SH3BGRL2: variants seen among roughly 807,000 people sequenced by gnomAD.
SH3BGRL2 encodes the protein SH3 domain-binding glutamic acid-rich-like protein 2.
SH3BGRL2 carries 21 observed loss-of-function variants against 14.8 expected under a neutral mutation model. That is an observed-to-expected ratio of 1.42 (90% CI 1.01 to 2.05). SH3BGRL2 has a LOEUF of 2.05. Among genes scored for constraint, SH3BGRL2 ranks in the 30% most tolerant of loss-of-function variants. The probability of loss-of-function intolerance (pLI) is 0.00; values close to 1 mark genes in which losing one functional copy is unlikely to be tolerated. For missense variants in SH3BGRL2, 147 were observed against 130.8 expected (o/e 1.12, Z -0.61); for synonymous variants, 50 against 47.8 (o/e 1.05, Z -0.19).
rs1770503247 is a variant in SH3BGRL2, at chr6:79,703,273, TAGAGTGGAGGTAAATTA to T, written c.*3769_*3785del. The T allele has an allele frequency of 6.6e-6, 1 of 152,128 alleles. No homozygotes were observed. The highest frequency in any genetic ancestry group is 2.1e-4 in the South Asian group (1 of 4,824). The allele number at this position is 152,128 out of a possible 1,614,324, so 9.4% of individuals were successfully genotyped here. ...AGCAGTTTTAGCCAGGGTTCAATGA[TAGAGTGGAGGTAAATTA>T]AGAGCCTCCAGGCTGTGATTCACCA... is the stretch of plus-strand genomic sequence containing the variant. On this transcript the variant is annotated 3_prime_UTR_variant, in exon 4 of 4. Transcript: ENST00000369838.
the SH3BGRL2 span, among the ~76,000 whole-genome samples, chr6:79,557,032 A>G: frequency 6.6e-6 from 1 of 151,386 alleles, no homozygotes; most frequent in Non-Finnish European, 1.5e-5. Context: ...GAAATCCAAA[A>G]TATATATATA....
Position 79,702,534 on chromosome 6 carries a change from C to T in SH3BGRL2, c.*3025C>T, listed in dbSNP as rs1484869865. The T allele has an allele frequency of 1.3e-5, 2 of 152,174 alleles. No individual in the cohort carries two copies. Among genetic ancestry groups the T allele is most frequent in the African/African-American group, 4.8e-5 (2 of 41,438 alleles). 9.4% of individuals were successfully genotyped at this position (152,174 alleles called of 1,614,324 possible). A position where few individuals can be genotyped will look rare whatever the true frequency, so the allele number is the denominator to read the frequency against. On this transcript the variant is annotated 3_prime_UTR_variant, in exon 4 of 4. Transcript: ENST00000369838. Reference sequence around the variant, plus strand: ...TATTCTGAAAATGGAGTGTTTGTTCCCTGCCATTTTTCACACCTCTCTTAA... The same window carrying T: ...TATTCTGAAAATGGAGTGTTTGTTCTCTGCCATTTTTCACACCTCTCTTAA...
chr6:79,683,817 C>G (rs1366606713), intron 2 of SH3BGRL2, among the ~76,000 whole-genome samples: 1 of 152,150 alleles, frequency 6.6e-6, no homozygotes, highest in African/African-American at 2.4e-5. Flanking sequence ...TTCACATTTC[C>G]CTCTGCCTCT....
chr6:79,543,777 C>T, the SH3BGRL2 span, among the ~76,000 whole-genome samples: 1 of 152,166 alleles, frequency 6.6e-6, no homozygotes, highest in Non-Finnish European at 1.5e-5. Flanking sequence ...GTGTTTGATT[C>T]ACATTTTTAG....
At chr6:79,597,156 G>A in the SH3BGRL2 span, among the ~76,000 whole-genome samples, 1 of 151,966 alleles carries the variant, frequency 6.6e-6, no homozygotes, top group Non-Finnish European at 1.5e-5. Flanking sequence ...CTTGAACCAG[G>A]TAGGTGGAGG....
At chr6:79,665,779 C>G (rs1769645058) in intron 1 of SH3BGRL2, among the ~76,000 whole-genome samples, 1 of 152,174 alleles carries the variant, frequency 6.6e-6, no homozygotes, top group South Asian at 2.1e-4. Context: ...ATAACATGTA[C>G]TAACAGTTTT....
intron 2 of SH3BGRL2, among the ~76,000 whole-genome samples, chr6:79,687,255 C>T (rs975013641): frequency 4.6e-5 from 7 of 152,248 alleles, no homozygotes; most frequent in African/African-American, 1.7e-4. Context: ...GTGGTTTCCC[C>T]TGCTGTGTTT....
the SH3BGRL2 span, among the ~76,000 whole-genome samples, chr6:79,599,614 A>G: frequency 6.6e-6 from 1 of 151,948 alleles, no homozygotes; most frequent in African/African-American, 2.4e-5. Flanking sequence ...CAGGTGATCC[A>G]CCCTATACCA....
the SH3BGRL2 span, among the ~76,000 whole-genome samples, chr6:79,615,318 A>G: frequency 6.4e-4 from 97 of 152,332 alleles, no homozygotes; most frequent in Non-Finnish European, 9.3e-4. Context: ...GCCTTGACTG[A>G]ACTTCCAGGC....
the SH3BGRL2 span, among the ~76,000 whole-genome samples, chr6:79,539,452 TA>T: frequency 6.6e-6 from 1 of 152,208 alleles, no homozygotes; most frequent in African/African-American, 2.4e-5. Context: ...CTCTTGTTTT[TA>T]AAGATTTTGT....
chr6:79,574,245 A>G, the SH3BGRL2 span: 1 of 152,168 alleles, frequency 6.6e-6, no homozygotes, highest in Non-Finnish European at 1.5e-5. Flanking sequence ...AGGACAAAGG[A>G]AAGTGGTTTT....
intron 1 of SH3BGRL2, among the ~76,000 whole-genome samples, chr6:79,646,451 C>T (rs1017766458): frequency 2.6e-5 from 4 of 152,192 alleles, no homozygotes; most frequent in African/African-American, 7.2e-5. Flanking sequence ...CTGGTTCTGG[C>T]GTTGCCATTT....
chr6:79,676,946 A>G (rs1769897118), intron 2 of SH3BGRL2, among the ~76,000 whole-genome samples: 1 of 152,190 alleles, frequency 6.6e-6, no homozygotes, highest in South Asian at 2.1e-4. Flanking sequence ...AAACTGTGCC[A>G]GGTCAATGGC....
At chr6:79,641,147 CTTTTGT>C (rs1270367868) in intron 1 of SH3BGRL2, among the ~76,000 whole-genome samples, 237 of 117,502 alleles carry the variant, frequency 2.0e-3, no homozygotes, top group East Asian at 0.019. Context: ...TTCTCTCACC[CTTTTGT>C]GTGTGTGTGT....
chr6:79,605,148 G>A, the SH3BGRL2 span, among the ~76,000 whole-genome samples: 1 of 152,166 alleles, frequency 6.6e-6, no homozygotes, highest in African/African-American at 2.4e-5. Flanking sequence ...CTCTTGAAAT[G>A]CTCCCTCTAA....
chr6:79,570,357 C>G, the SH3BGRL2 span, among the ~76,000 whole-genome samples: 2 of 152,304 alleles, frequency 1.3e-5, no homozygotes, highest in South Asian at 4.1e-4. Flanking sequence ...GCAAAACACT[C>G]TGGAGTGCTA....
At chr6:79,632,911 T>C (rs1396822266) in intron 1 of SH3BGRL2, among the ~76,000 whole-genome samples, 3 of 152,260 alleles carry the variant, frequency 2.0e-5, no homozygotes, top group Non-Finnish European at 4.4e-5. Flanking sequence ...ACCACCGACT[T>C]GCATGCTTCA....
chr6:79,670,302 T>C (rs951591321), intron 1 of SH3BGRL2, among the ~76,000 whole-genome samples: 2 of 152,252 alleles, frequency 1.3e-5, no homozygotes, highest in African/African-American at 4.8e-5. Context: ...CCCAATCTAA[T>C]GCAAGGGATT....
chr6:79,586,161 A>T, the SH3BGRL2 span, among the ~76,000 whole-genome samples: 1 of 142,760 alleles, frequency 7.0e-6, no homozygotes, highest in Admixed American at 7.5e-5. Context: ...GTGCCATTGC[A>T]CTCCAGCCTG....
Sources: allele counts gnomAD v4.1 joint callset (sites outside exome capture counted in the v4.1 genomes callset), GRCh38; gene constraint gnomAD v4.1.1; transcripts MANE v1.5; gene names NCBI Gene and HGNC (gene_info 2026-07-23, HGNC 2026-07-21).